The following ACAD8 variants were observed in gnomAD, a reference collection of about 807,000 sequenced individuals.
The protein encoded by ACAD8 is isobutyryl-CoA dehydrogenase, mitochondrial.
In ACAD8, 47 loss-of-function variants were observed where a neutral mutation model predicts 53.1. That is an observed-to-expected ratio of 0.89 (90% CI 0.70 to 1.13). The LOEUF (loss-of-function observed/expected upper bound fraction) is 1.13, where lower values mean the gene tolerates loss of function less well. Ranked by LOEUF, ACAD8 falls within the 50% of genes most tolerant of loss-of-function variation. The pLI, the probability that ACAD8 is intolerant of heterozygous loss-of-function variation, is 0.00. For synonymous variants in ACAD8, 198 were observed against 201.3 expected, an observed-to-expected ratio of 0.98 and a Z score of 0.14; for missense variants, 494 against 535.0, an observed-to-expected ratio of 0.92 and a Z score of 0.76.
chr11:134,259,576 C>G, intron 5 of ACAD8, 32 bp from the exon 6 acceptor site: 1 of 1,613,956 alleles, frequency 6.2e-7, no homozygotes, highest in Non-Finnish European at 8.5e-7. Flanking sequence ...CAAGCATTCC[C>G]TGGTCCTTTT....
chr11:134,257,979 AGCTGGGATTACAGGCACGT>A (rs941274213), intron 3 of ACAD8: 2 of 186,394 alleles, frequency 1.1e-5, no homozygotes, highest in Non-Finnish European at 2.3e-5. Flanking sequence ...CCTCCTGAGT[AGCTGGGATTACAGGCACGT>A]GCCACCACAC....
At chr11:134,260,984 G>T in intron 6 of ACAD8, 60 bp from the exon 7 acceptor site, 1 of 1,597,086 alleles carries the variant, frequency 6.3e-7, no homozygotes, top group East Asian at 2.3e-5. Context: ...CCCGTCCCCA[G>T]GGAAGGCCGC....
At chr11:134,259,520 T>A (rs1591511403) in intron 5 of ACAD8, 88 bp from the exon 6 acceptor site, 1 of 1,547,530 alleles carries the variant, frequency 6.5e-7, no homozygotes, top group East Asian at 2.2e-5. Context: ...CCATTGGACC[T>A]TATTGTCAGG....
At position 134,261,481 on chromosome 11, in the gene ACAD8, C is replaced by T; in HGVS notation, c.939+109C>T. The T allele has an allele frequency of 1.3e-6, 2 of 1,503,636 alleles. No homozygotes were observed. Among genetic ancestry groups the T allele is most frequent in the South Asian group, 2.3e-5 (2 of 86,660 alleles). The allele number at this position is 1,503,636 out of a possible 1,614,324, so 93.1% of individuals were successfully genotyped here. On this transcript the variant is annotated intron_variant, in intron 8 of 10. Coordinates refer to ENST00000281182, the MANE Select transcript of ACAD8 (RefSeq NM_014384.3). The surrounding 1 kb of genome is among the most constrained non-coding windows in gnomAD (Gnocchi z 4.2). Reference sequence around the variant, plus strand: ...CCAGGAAATTCCTCTGTCAGTCCCACCACTGTCCTAGCCAGAGCTTGTGCT... The same window carrying T: ...CCAGGAAATTCCTCTGTCAGTCCCATCACTGTCCTAGCCAGAGCTTGTGCT...
intron 3 of ACAD8, 170 bp from the exon 4 acceptor site, chr11:134,258,345 T>C (rs1342355268): frequency 3.0e-6 from 2 of 664,476 alleles, no homozygotes; most frequent in African/African-American, 3.6e-5. Context: ...GAATATGTTT[T>C]AATCCACCGT....
At position 134,256,650 on chromosome 11, in the gene ACAD8, T is replaced by C; in HGVS notation, c.210+2T>C. 6.2e-7 allele frequency: 1 copy of C among 1,613,924 alleles called. No individual in the cohort carries two copies. Among genetic ancestry groups the C allele is most frequent in the Non-Finnish European group, 8.5e-7 (1 of 1,179,842 alleles). On this transcript the variant is annotated splice_donor_variant, in intron 2 of 10. Coordinates refer to ENST00000281182, the MANE Select transcript of ACAD8 (RefSeq NM_014384.3). LOFTEE classifies it high-confidence loss of function. ...AATATGGCAGAGTGGGACCAGAAGG[T>C]AGGCGTTTTTCTTGTGCTTAGACGT...
intron 1 of ACAD8, among the ~76,000 whole-genome samples, chr11:134,255,392 T>TC (rs1391009450): frequency 6.6e-6 from 1 of 152,196 alleles, no homozygotes; most frequent in Non-Finnish European, 1.5e-5. Flanking sequence ...TGCCTTGGCC[T>TC]CCCCAAAGTC....
At chr11:134,254,061 G>A (rs1425103988) in intron 1 of ACAD8, among the ~76,000 whole-genome samples, 2 of 150,458 alleles carry the variant, frequency 1.3e-5, no homozygotes, top group African/African-American at 2.4e-5. Flanking sequence ...CCCCCCGCAG[G>A]TTCCCCTCCG....
chr11:134,260,784 G>A (rs1278339398), intron 6 of ACAD8: 1 of 511,696 alleles, frequency 2.0e-6, no homozygotes, highest in Admixed American at 3.3e-5. Flanking sequence ...AAGAAGTTGT[G>A]AGAAGTGTTT....
intron 6 of ACAD8, chr11:134,259,958 A>G: frequency 7.1e-7 from 1 of 1,412,850 alleles, no homozygotes; most frequent in Admixed American, 2.2e-5. Flanking sequence ...GTTTGCCAGT[A>G]AATTCTTCAA....
At chr11:134,256,301 T>G (rs2136074650) in intron 1 of ACAD8, among the ~76,000 whole-genome samples, 1 of 152,378 alleles carries the variant, frequency 6.6e-6, no homozygotes, top group Middle Eastern at 3.4e-3. Flanking sequence ...AGTGCTAGGA[T>G]AAGAGATGTC....
intron 10 of ACAD8, chr11:134,264,124 C>T (rs926715831): frequency 7.0e-5 from 62 of 886,104 alleles, no homozygotes; most frequent in African/African-American, 1.5e-4. Context: ...GCGGGTGGAT[C>T]GCGTGAGGCC....
At chr11:134,260,004 C>T in intron 6 of ACAD8, 1 of 1,311,846 alleles carries the variant, frequency 7.6e-7, no homozygotes, top group Middle Eastern at 3.0e-4. Context: ...CCTGCCTCTG[C>T]TTTTGGCCTG....
rs1939716015 is a variant in ACAD8, at chr11:134,259,022, GCTGCCTCTCTT to G, written c.509_519del (p.Ala170AspfsTer4). ...TCCCTCCTCAGGAAGTGGGAGTGAT[GCTGCCTCTCTT>G]CTGACCTCCGCTAAGAAACAGGGAG... On this transcript the variant is annotated frameshift_variant, in exon 5 of 11. Transcript: ENST00000281182. LOFTEE classifies it high-confidence loss of function. The G allele has an allele frequency of 6.2e-7, 1 of 1,613,948 alleles. No homozygotes were observed.
Position 134,265,822 on chromosome 11 carries a change from T to C in ACAD8, c.*862T>C, listed in dbSNP as rs1940139128. ...TTAAACACTTAACTGGATTTTGGAA[T>C]AATAAAACTCTCGTCCAATTTGGCT... On this transcript the variant is annotated 3_prime_UTR_variant, in exon 11 of 11. Transcript: ENST00000281182. 1 of 152,246 alleles carries C rather than the reference T, an allele frequency of 6.6e-6. No homozygotes were observed. Among genetic ancestry groups the C allele is most frequent in the Non-Finnish European group, 1.5e-5 (1 of 68,042 alleles). The allele number at this position is 152,246 out of a possible 1,614,324, so 9.4% of individuals were successfully genotyped here.
At chr11:134,262,325 A>G (rs775178893) in intron 9 of ACAD8, 195 bp from the exon 10 acceptor site, 1 of 668,332 alleles carries the variant, frequency 1.5e-6, no homozygotes, top group Non-Finnish European at 2.7e-6. Flanking sequence ...TCTGGGGGGA[A>G]CTGACAAGTT....
Position 134,261,021 on chromosome 11 carries a change from A to G in ACAD8, c.706-23A>G, listed in dbSNP as rs376839376. Reference sequence around the variant, plus strand: ...CTACCTGCTGGATTGTTGGGCAACCACGCAGTCCCTGATTTTTGCCAGGTG... The same window carrying G: ...CTACCTGCTGGATTGTTGGGCAACCGCGCAGTCCCTGATTTTTGCCAGGTG... On this transcript the variant is annotated intron_variant, in intron 6 of 10. Transcript: ENST00000281182. The surrounding 1 kb of genome is among the most constrained non-coding windows in gnomAD (Gnocchi z 4.2). 2.6e-4 allele frequency: 420 copies of G among 1,610,748 alleles called. 4 individuals are homozygous for G. In the Admixed American group the frequency reaches 5.6e-3, roughly 21 times the overall value.
intron 6 of ACAD8, chr11:134,260,730 A>G (rs1939825552): frequency 4.8e-6 from 2 of 420,984 alleles, no homozygotes; most frequent in South Asian, 4.3e-5. Flanking sequence ...GTGGTTTTCA[A>G]TTAGAGGCAC....
rs1939556559 is a variant in ACAD8 at position 134,256,819 on chromosome 11, T to C, written c.210+171T>C. Reference sequence around the variant, plus strand: ...TTCCTAGAAGGCATCCTGATCATCTTGTACATAACTTTTTTTTTGTTAGTT... The same window carrying C: ...TTCCTAGAAGGCATCCTGATCATCTCGTACATAACTTTTTTTTTGTTAGTT... On this transcript the variant is annotated intron_variant, in intron 2 of 10. Transcript: ENST00000281182. 1.4e-5 allele frequency: 10 copies of C among 690,986 alleles called. No homozygotes were observed. In the East Asian group the frequency reaches 2.7e-4, roughly 19 times the overall value. 42.8% of individuals were successfully genotyped at this position (690,986 alleles called of 1,614,324 possible). A position where few individuals can be genotyped will look rare whatever the true frequency, so the allele number is the denominator to read the frequency against.
Sources: gnomAD v4.1 joint callset for allele counts (sites outside exome capture counted in the v4.1 genomes callset) on GRCh38, gnomAD v4.1.1 for gene constraint, Gnocchi (gnomAD v3.1) non-coding constraint, MANE v1.5 for transcripts, NCBI Gene and HGNC (gene_info 2026-07-23, HGNC 2026-07-21) for gene names.